The following COG2 variants were observed in gnomAD, a reference collection of about 807,000 sequenced individuals.
The protein encoded by COG2 is conserved oligomeric Golgi complex subunit 2.
Under a neutral mutation model 90.6 loss-of-function variants are expected in COG2, and 52 were observed. The observed-to-expected ratio is 0.57, with a 90% CI of 0.46 to 0.72. COG2 has a LOEUF of 0.72. Among genes scored for constraint, COG2 ranks in the 30% least tolerant of loss-of-function variants. The pLI is 0.00. For missense variants in COG2, 829 were observed against 891.2 expected, an observed-to-expected ratio of 0.93 and a Z score of 0.89; for synonymous variants, 337 against 320.4, an observed-to-expected ratio of 1.05 and a Z score of -0.55.
At chr1:230,688,608 G>T in intron 15 of COG2, 46 bp downstream of exon 15, 1 of 1,605,686 alleles carries the variant, frequency 6.2e-7, no homozygotes, top group Non-Finnish European at 8.5e-7. Context: ...GGAAGTGTGT[G>T]TTAGGAAAGC....
chr1:230,649,198 C>T (rs11805048), intron 1 of COG2, among the ~76,000 whole-genome samples: 3,463 of 152,270 alleles, frequency 0.023, 126 homozygotes, highest in African/African-American at 0.08. Flanking sequence ...AACACTTTAG[C>T]ATACATTTTT....
chr1:230,671,581 G>A lies in COG2; in HGVS notation c.840G>A (p.Leu280=), dbSNP rs1209031915. ...TTCAGGTCATGTATAATAAACTCCT[G>A]GAGTTTGTTCCTCACCATTGCCGCC... ...NGLQVMYNKL[L]EFVPHHCRLL... Residue 280 remains leucine (L), a synonymous_variant, in exon 8 of 18, where the codon CTG becomes CTA. Transcript: ENST00000366669. 4 of 1,613,664 alleles carry A rather than the reference G, an allele frequency of 2.5e-6. No individual in the cohort carries two copies. The Admixed American group carries it at 6.7e-5, about 27-fold the overall frequency.
intron 10 of COG2, 22 bp from the exon 11 acceptor site, chr1:230,683,551 TC>T (rs35405940): frequency 1.1e-6 from 1 of 923,568 alleles, no homozygotes; most frequent in Non-Finnish European, 1.4e-6. Flanking sequence ...AAACATTAAT[TC>T]TTCTTCTTGT....
At chr1:230,644,800 T>A (rs1485613185) in intron 1 of COG2, among the ~76,000 whole-genome samples, 1 of 152,196 alleles carries the variant, frequency 6.6e-6, no homozygotes, top group Non-Finnish European at 1.5e-5. Context: ...ACAGTCAGGT[T>A]AAAAGCAGGA....
Position 230,644,782 on chromosome 1 carries a change from G to A in COG2, c.72+2104G>A, listed in dbSNP as rs1419148661. Among the ~76,000 whole-genome samples the A allele has an allele frequency of 2.0e-5, 3 of 152,196 alleles. No homozygotes were observed. In the South Asian group the frequency reaches 6.2e-4, roughly 31 times the overall value. On this transcript the variant is annotated intron_variant, in intron 1 of 17. Transcript: ENST00000366669. ...ATTTGCACTTGATTTAGTATTCATT[G>A]TGGAGTTACAGTCAGGTTAAAAGCA... is the stretch of plus-strand genomic sequence containing the variant.
chr1:230,645,939 C>A (rs756965489), intron 1 of COG2, among the ~76,000 whole-genome samples: 1 of 152,046 alleles, frequency 6.6e-6, no homozygotes, highest in Non-Finnish European at 1.5e-5. Flanking sequence ...ATACAGGCTG[C>A]GCTCCTCCTG....
intron 9 of COG2, chr1:230,678,653 A>G: frequency 7.2e-7 from 1 of 1,394,822 alleles, no homozygotes; most frequent in Non-Finnish European, 9.4e-7. Flanking sequence ...TGCCATTTAA[A>G]GAGCACCAGA....
chr1:230,655,919 G>T (rs2102746580), intron 1 of COG2, among the ~76,000 whole-genome samples: 1 of 152,274 alleles, frequency 6.6e-6, no homozygotes, highest in East Asian at 1.9e-4. Context: ...ATGGTAGTCT[G>T]TATTTCTGTG....
chr1:230,644,489 G>A (rs79846186), intron 1 of COG2, among the ~76,000 whole-genome samples: 2,271 of 152,316 alleles, frequency 0.015, 47 homozygotes, highest in African/African-American at 0.052. Context: ...GGTTTTGTAC[G>A]TGTGAGAAAG....
chr1:230,690,057 A>C lies in COG2; in HGVS notation c.1838A>C (p.Lys613Thr), dbSNP rs1258008553. The C allele has an allele frequency of 6.2e-7, 1 of 1,613,242 alleles. No individual in the cohort carries two copies. The highest frequency in any genetic ancestry group is 1.7e-5 in the Admixed American group (1 of 59,906). The change falls in exon 16 of 18, where the codon AAG becomes ACG. Residue 613 changes from lysine to threonine, a missense_variant. Transcript: ENST00000366669. Reference sequence around the variant, plus strand: ...TCCTCCTATGTGGACAGTGCTCTGAAGCCCTTATTCCAGCTTCAGAGCGGA... The same window carrying C: ...TCCTCCTATGTGGACAGTGCTCTGACGCCCTTATTCCAGCTTCAGAGCGGA... The part of the protein sequence containing the change: ...TASSYVDSAL[K>T]PLFQLQSGHK...
At chr1:230,656,288 G>T (rs1367822631) in intron 1 of COG2, among the ~76,000 whole-genome samples, 1 of 152,128 alleles carries the variant, frequency 6.6e-6, no homozygotes, top group East Asian at 1.9e-4. Flanking sequence ...ATGTGTCCCG[G>T]AGATTCTGGT....
chr1:230,662,752 A>G (rs1159450985), intron 3 of COG2, among the ~76,000 whole-genome samples: 2 of 152,022 alleles, frequency 1.3e-5, no homozygotes, highest in African/African-American at 2.4e-5. Flanking sequence ...TTACTGTTCT[A>G]TCTTCCTGCC....
intron 16 of COG2, among the ~76,000 whole-genome samples, chr1:230,690,921 A>G (rs1156420734): frequency 6.6e-6 from 1 of 152,194 alleles, no homozygotes; most frequent in Non-Finnish European, 1.5e-5. Flanking sequence ...GAAGGCAATG[A>G]GCTTTATTTA....
rs564977071 is a variant in COG2 at position 230,642,538 on chromosome 1, G to C, written c.-69G>C. 1.3e-6 allele frequency: 2 copies of C among 1,505,808 alleles called. No individual in the cohort carries two copies. Among genetic ancestry groups the C allele is most frequent in the Non-Finnish European group, 1.8e-6 (2 of 1,103,822 alleles). 93.3% of individuals were successfully genotyped at this position (1,505,808 alleles called of 1,614,324 possible). ...GAAACTGGCGGTGGCCGCGGCCGCC[G>C]AGTCGGTCTGCGCAGCCTCCTGCGT... is the stretch of plus-strand genomic sequence containing the variant. On this transcript the variant is annotated 5_prime_UTR_variant, in exon 1 of 18. Transcript: ENST00000366669.
Position 230,675,059 on chromosome 1 carries a change from G to C in COG2, c.961G>C (p.Val321Leu). 1 of 1,612,998 alleles carries C rather than the reference G, an allele frequency of 6.2e-7. No individual in the cohort carries two copies. Among genetic ancestry groups the C allele is most frequent in the South Asian group, 1.1e-5 (1 of 90,756 alleles). Residue 321 changes from valine (V) to leucine (L), a missense_variant, in exon 9 of 18, where the codon GTA becomes CTA. Val to Leu is a conservative substitution (Grantham distance 32). Transcript: ENST00000366669. ...GGTGAATTCTGTTTGGCCACAAATAGTACAAGGATTAGAAGAAAAGTTACC... is the reference window on the plus strand; with the variant it reads ...GGTGAATTCTGTTTGGCCACAAATACTACAAGGATTAGAAGAAAAGTTACC... The part of the protein sequence containing the change: ...FLVNSVWPQI[V>L]QGLEEKLPSL...
chr1:230,693,322 A>C lies in COG2; in HGVS notation c.2146A>C (p.Ile716Leu). The change falls in exon 18 of 18, where the codon ATA becomes CTA. Residue 716 changes from isoleucine (I) to leucine (L), a missense_variant. Transcript: ENST00000366669. ...AAAGTTGGGACTACAAGCAAGTGAC[A>C]TAAAAAGCTTCTCAGCTCTCGCAGA... ...IQKLGLQASDIKSFSALAELV... is the reference protein window; with the variant it reads ...IQKLGLQASDLKSFSALAELV... 1 of 1,613,776 alleles carries C rather than the reference A, an allele frequency of 6.2e-7. No individual in the cohort carries two copies. Among genetic ancestry groups the C allele is most frequent in the Non-Finnish European group, 8.5e-7 (1 of 1,179,722 alleles).
chr1:230,660,343 A>G (rs1052545549), intron 2 of COG2, among the ~76,000 whole-genome samples: 1 of 152,186 alleles, frequency 6.6e-6, no homozygotes, highest in African/African-American at 2.4e-5. Flanking sequence ...ATTCTATTTC[A>G]TTTTGATTTT....
At chr1:230,642,738 C>A in intron 1 of COG2, 60 bp downstream of exon 1, 2 of 1,530,836 alleles carry the variant, frequency 1.3e-6, no homozygotes, top group Non-Finnish European at 1.8e-6. Flanking sequence ...CCTGTGCCCT[C>A]TGTGGCGGTC....
rs528690626 is a variant in COG2 at position 230,651,566 on chromosome 1, T to A, written c.73-7898T>A. ...TGTTTTGCTGTCTTATTATCCTGTA[T>A]TTGATTTGTTAGTCAACTTCCAGCT... On this transcript the variant is annotated intron_variant, in intron 1 of 17. Coordinates refer to ENST00000366669, the MANE Select transcript of COG2 (RefSeq NM_007357.3). 6.6e-5 allele frequency among the ~76,000 whole-genome samples: 10 copies of A among 152,346 alleles called. No individual in the cohort carries two copies. In the South Asian group the frequency reaches 2.1e-3, roughly 32 times the overall value.
Sources: allele counts gnomAD v4.1 joint callset (sites outside exome capture counted in the v4.1 genomes callset), GRCh38; gene constraint gnomAD v4.1.1; transcripts MANE v1.5; gene names NCBI Gene and HGNC (gene_info 2026-07-23, HGNC 2026-07-21).